The following SEMA3A variants were observed in gnomAD, a reference collection of about 807,000 sequenced individuals.
SEMA3A encodes the protein semaphorin 3A, also known as semaphorin-3A.
A neutral mutation model predicts 97.9 loss-of-function variants in SEMA3A; 29 were observed. The observed-to-expected ratio is 0.30, with a 90% CI of 0.22 to 0.40. The LOEUF (loss-of-function observed/expected upper bound fraction) is 0.40, where lower values mean the gene tolerates loss of function less well. SEMA3A is among the 10% of genes least tolerant of loss of function. The pLI is 1.00. For synonymous variants in SEMA3A, 321 were observed against 323.7 expected (o/e 0.99, Z 0.09); for missense variants, 763 against 951.3 (o/e 0.80, Z 2.60).
intron 1 of SEMA3A, among the ~76,000 whole-genome samples, chr7:84,152,161 A>G (rs1476004353): frequency 6.6e-6 from 1 of 151,666 alleles, no homozygotes; most frequent in Non-Finnish European, 1.5e-5. Context: ...AGAACTAGAA[A>G]TACCATTTGA....
At chr7:84,403,437 G>C (rs2116220329) in intron 1 of SEMA3A, among the ~76,000 whole-genome samples, 1 of 152,308 alleles carries the variant, frequency 6.6e-6, no homozygotes, top group African/African-American at 2.4e-5. Context: ...GCTCAAGGAG[G>C]CCTGCTGCCT....
chr7:84,350,349 G>A (rs749913763), intron 2 of SEMA3A, among the ~76,000 whole-genome samples: 15 of 151,850 alleles, frequency 9.9e-5, no homozygotes, highest in South Asian at 2.1e-4. Flanking sequence ...TGGGATAGTC[G>A]TTTCCTTTTA....
intron 5 of SEMA3A, among the ~76,000 whole-genome samples, chr7:84,050,849 C>A (rs988889159): frequency 6.6e-6 from 1 of 151,608 alleles, no homozygotes; most frequent in Non-Finnish European, 1.5e-5. Context: ...TTAGGTCAAA[C>A]GTTTAAGTCT....
chr7:84,127,022 T>C (rs1053851404), intron 3 of SEMA3A, among the ~76,000 whole-genome samples: 1 of 152,158 alleles, frequency 6.6e-6, no homozygotes, highest in African/African-American at 2.4e-5. Flanking sequence ...CACACTTTTT[T>C]TTTTTTGATC....
chr7:84,094,340 T>C (rs1386886432), intron 4 of SEMA3A, among the ~76,000 whole-genome samples: 1 of 152,016 alleles, frequency 6.6e-6, no homozygotes, highest in Admixed American at 6.6e-5. Context: ...CTTTTTTTTT[T>C]TCCCATGTTA....
At chr7:84,236,555 T>C (rs1334851493) in intron 3 of SEMA3A, among the ~76,000 whole-genome samples, 8 of 152,128 alleles carry the variant, frequency 5.3e-5, no homozygotes, top group African/African-American at 1.7e-4. Flanking sequence ...CCTGTTTAAC[T>C]TCCTTTTCCA....
chr7:84,194,560 A>G lies in SEMA3A; in HGVS notation c.27T>C (p.Cys9=), dbSNP rs777676112. 75 of 1,612,872 alleles carry G rather than the reference A, an allele frequency of 4.7e-5. No homozygotes were observed. The highest frequency in any genetic ancestry group is 5.9e-5 in the Non-Finnish European group (69 of 1,179,046). The part of the protein sequence containing the change: MGWLTRIV[C]LFWGVLLTAR... Reference sequence around the variant, plus strand: ...CTGTAAGTAATACTCCCCAGAAAAGACAGACAATCCTAGTTAACCAGCCCA... The same window carrying G: ...CTGTAAGTAATACTCCCCAGAAAAGGCAGACAATCCTAGTTAACCAGCCCA... The change falls in exon 1 of 17, where the codon TGT becomes TGC. Residue 9 remains cysteine (C), a synonymous_variant. Transcript: ENST00000265362.
intron 2 of SEMA3A, among the ~76,000 whole-genome samples, chr7:84,131,308 T>C (rs2116028403): frequency 6.6e-6 from 1 of 152,250 alleles, no homozygotes; most frequent in African/African-American, 2.4e-5. Flanking sequence ...GTTTAACTGT[T>C]GGTGGTTGGA....
intron 4 of SEMA3A, among the ~76,000 whole-genome samples, chr7:84,087,558 C>A (rs1794420035): frequency 2.0e-5 from 3 of 152,120 alleles, no homozygotes; most frequent in African/African-American, 7.2e-5. Flanking sequence ...AATATTCCTA[C>A]AAGGATACTA....
chr7:84,216,831 G>C (rs1020206018), intron 3 of SEMA3A, among the ~76,000 whole-genome samples: 13 of 151,892 alleles, frequency 8.6e-5, no homozygotes, highest in African/African-American at 3.1e-4. Context: ...TGTCCTCAGA[G>C]GCTTTTAGGT....
intron 2 of SEMA3A, among the ~76,000 whole-genome samples, chr7:84,313,380 A>ATG (rs1562898774): frequency 1.2e-5 from 1 of 85,110 alleles, no homozygotes; most frequent in African/African-American, 3.8e-5. Flanking sequence ...ATATATATAT[A>ATG]TATATATATA....
intron 3 of SEMA3A, among the ~76,000 whole-genome samples, chr7:84,289,440 T>C (rs1039531984): frequency 6.6e-6 from 1 of 152,080 alleles, no homozygotes; most frequent in Admixed American, 6.6e-5. Flanking sequence ...ATTTGATCAC[T>C]GCACACTATA....
At chr7:84,376,570 C>G (rs1803106584) in intron 1 of SEMA3A, among the ~76,000 whole-genome samples, 1 of 103,012 alleles carries the variant, frequency 9.7e-6, no homozygotes, top group Non-Finnish European at 2.0e-5. Flanking sequence ...CGCCACTGCA[C>G]TCCAGCCTGG....
intron 1 of SEMA3A, among the ~76,000 whole-genome samples, chr7:84,397,348 T>C (rs961109424): frequency 2.0e-5 from 3 of 150,292 alleles, no homozygotes; most frequent in Non-Finnish European, 4.4e-5. Context: ...GAACATTTAA[T>C]GTTTCTCAAA....
chr7:84,108,761 C>T (rs1397662385), intron 4 of SEMA3A, among the ~76,000 whole-genome samples: 1 of 151,808 alleles, frequency 6.6e-6, no homozygotes, highest in African/African-American at 2.4e-5. Context: ...AAAAATTAGC[C>T]GGACATGTCG....
intron 3 of SEMA3A, among the ~76,000 whole-genome samples, chr7:84,268,407 C>G (rs1800065095): frequency 6.6e-6 from 1 of 151,928 alleles, no homozygotes; most frequent in Non-Finnish European, 1.5e-5. Context: ...TGGTAAAACA[C>G]ATGGTCTGCA....
intron 6 of SEMA3A, among the ~76,000 whole-genome samples, chr7:84,015,766 C>T (rs1188787939): frequency 6.6e-6 from 1 of 152,124 alleles, no homozygotes; most frequent in African/African-American, 2.4e-5. Flanking sequence ...ATGCGTGTAA[C>T]CTTTTAACAT....
At chr7:84,080,326 C>T (rs1381688621) in intron 4 of SEMA3A, among the ~76,000 whole-genome samples, 1 of 151,512 alleles carries the variant, frequency 6.6e-6, no homozygotes, top group Non-Finnish European at 1.5e-5. Context: ...ACATTGTGCA[C>T]ATGTGCCCTA....
intron 1 of SEMA3A, among the ~76,000 whole-genome samples, chr7:84,472,726 A>G (rs1285096027): frequency 2.0e-5 from 3 of 152,226 alleles, no homozygotes; most frequent in Admixed American, 6.5e-5. Context: ...TTAAACTGTT[A>G]GCATTACATA....
Sources: gnomAD v4.1 joint callset for allele counts (sites outside exome capture counted in the v4.1 genomes callset) on GRCh38, gnomAD v4.1.1 for gene constraint, MANE v1.5 for transcripts, NCBI Gene and HGNC (gene_info 2026-07-23, HGNC 2026-07-21) for gene names.